The following NRXN1 variants were observed in gnomAD, a reference collection of about 807,000 sequenced individuals.
The protein encoded by NRXN1 is neurexin 1.
A neutral mutation model predicts 150.9 loss-of-function variants in NRXN1; 39 were observed. The ratio of observed to expected loss-of-function variants is 0.26; its 90% CI spans 0.20 to 0.34. The LOEUF is 0.34. NRXN1 is among the 10% of genes least tolerant of loss of function. The probability of loss-of-function intolerance (pLI) is 1.00; values close to 1 mark genes in which losing one functional copy is unlikely to be tolerated. For synonymous variants in NRXN1, 924 were observed against 757.0 expected, an observed-to-expected ratio of 1.22 and a Z score of -3.62; for missense variants, 1,815 against 1,949.9, an observed-to-expected ratio of 0.93 and a Z score of 1.30.
rs2079105158 is a variant in NRXN1 at position 50,360,383 on chromosome 2, A to G, written c.3364+105059T>C. 2.6e-5 allele frequency among the ~76,000 whole-genome samples: 4 copies of G among 152,242 alleles called. No homozygotes were observed. The South Asian group carries it at 8.3e-4, about 32-fold the overall frequency. ...AGACCCATCTCATATACACAGACACATATAGGCTCAAAATAAAATGATGGA... is the reference window on the plus strand; with the variant it reads ...AGACCCATCTCATATACACAGACACGTATAGGCTCAAAATAAAATGATGGA... On this transcript the variant is annotated intron_variant, in intron 17 of 22. Coordinates refer to ENST00000401669, the MANE Select transcript of NRXN1 (RefSeq NM_001330078.2).
intron 14 of NRXN1, among the ~76,000 whole-genome samples, chr2:50,496,642 T>C (rs1357816616): frequency 1.3e-5 from 2 of 152,176 alleles, no homozygotes; most frequent in Admixed American, 1.3e-4. Flanking sequence ...TCTGTTTATG[T>C]GTTCATCTAC....
chr2:50,811,557 G>T (rs940937847), intron 5 of NRXN1, among the ~76,000 whole-genome samples: 2 of 152,060 alleles, frequency 1.3e-5, no homozygotes, highest in Non-Finnish European at 1.5e-5. Flanking sequence ...TCTTCAGTTG[G>T]CACTCCAAAG....
Position 50,883,675 on chromosome 2 carries a change from C to T in NRXN1, c.832+38194G>A, listed in dbSNP as rs550033918. ...TATATTATGTGTAAAAACATATAAA[C>T]ATATTTTGTATTTACAAGTATGATT... On this transcript the variant is annotated intron_variant, in intron 5 of 22. Coordinates refer to ENST00000401669, the MANE Select transcript of NRXN1 (RefSeq NM_001330078.2). 2.6e-4 allele frequency among the ~76,000 whole-genome samples: 39 copies of T among 151,808 alleles called. No homozygotes were observed. In the South Asian group the frequency reaches 8.1e-3, roughly 31 times the overall value.
chr2:50,474,165 T>G (rs528608006), intron 15 of NRXN1, among the ~76,000 whole-genome samples: 1 of 152,104 alleles, frequency 6.6e-6, no homozygotes, highest in Admixed American at 6.6e-5. Flanking sequence ...TCTTCCATAT[T>G]TCCATTCTGT....
At chr2:50,268,803 T>C (rs548005701) in intron 17 of NRXN1, among the ~76,000 whole-genome samples, 5 of 152,350 alleles carry the variant, frequency 3.3e-5, no homozygotes, top group African/African-American at 1.2e-4. Context: ...AGATTCTTTA[T>C]CTAGGCCACA....
chr2:50,408,084 T>C (rs2082882583), intron 17 of NRXN1, among the ~76,000 whole-genome samples: 1 of 152,158 alleles, frequency 6.6e-6, no homozygotes, highest in Non-Finnish European at 1.5e-5. Flanking sequence ...AGTATCTATA[T>C]GCCCATCTTG....
intron 5 of NRXN1, among the ~76,000 whole-genome samples, chr2:50,862,577 C>A (rs2216252): frequency 0.032 from 4,926 of 152,134 alleles, 212 homozygotes; most frequent in East Asian, 0.23. Flanking sequence ...CAGGTCCAAT[C>A]CCATTGCAAC....
At chr2:50,262,451 T>G (rs2152913537) in intron 17 of NRXN1, among the ~76,000 whole-genome samples, 1 of 152,046 alleles carries the variant, frequency 6.6e-6, no homozygotes, top group Admixed American at 6.6e-5. Flanking sequence ...ATGTAATTAC[T>G]GAGGTCTTCT....
chr2:50,355,910 T>C (rs1251482458), intron 17 of NRXN1, among the ~76,000 whole-genome samples: 2 of 152,130 alleles, frequency 1.3e-5, no homozygotes, highest in Admixed American at 1.3e-4. Flanking sequence ...CCTTATAGGT[T>C]TATTGGTGAG....
Position 50,270,580 on chromosome 2 carries a change from G to T in NRXN1, c.3365-33610C>A, listed in dbSNP as rs142186529. Among the ~76,000 whole-genome samples the T allele has an allele frequency of 2.5e-3, 375 of 151,868 alleles. 1 individual carries two copies. Among genetic ancestry groups the T allele is most frequent in the African/African-American group, 7.9e-3 (328 of 41,430 alleles). Reference sequence around the variant, plus strand: ...TATCAGAATTTTGAATTCTAAAACAGATTTTTCCCATTATACACACAGTTT... The same window carrying T: ...TATCAGAATTTTGAATTCTAAAACATATTTTTCCCATTATACACACAGTTT... On this transcript the variant is annotated intron_variant, in intron 17 of 22. Coordinates refer to ENST00000401669, the MANE Select transcript of NRXN1 (RefSeq NM_001330078.2).
chr2:50,501,807 C>G (rs998174603), intron 13 of NRXN1, among the ~76,000 whole-genome samples: 2 of 152,136 alleles, frequency 1.3e-5, no homozygotes, highest in Non-Finnish European at 2.9e-5. Flanking sequence ...ACTATCCTCA[C>G]GATCCTAGGT....
intron 15 of NRXN1, among the ~76,000 whole-genome samples, chr2:50,484,160 G>A (rs2090697975): frequency 6.6e-6 from 1 of 152,208 alleles, no homozygotes; most frequent in African/African-American, 2.4e-5. Context: ...GTAGTATAAA[G>A]CACACACAAA....
At chr2:50,207,332 G>A (rs537121847) in intron 18 of NRXN1, among the ~76,000 whole-genome samples, 100 of 152,152 alleles carry the variant, frequency 6.6e-4, no homozygotes, top group African/African-American at 2.3e-3. Flanking sequence ...GTCACAAGAT[G>A]AATTTTTTAA....
intron 18 of NRXN1, among the ~76,000 whole-genome samples, chr2:50,119,579 A>C (rs1703571428): frequency 2.7e-5 from 4 of 150,418 alleles, no homozygotes; most frequent in East Asian, 3.9e-4. Context: ...AAAAAAAAAA[A>C]CTATCATTTG....
intron 5 of NRXN1, among the ~76,000 whole-genome samples, chr2:50,879,037 T>C (rs1679035968): frequency 6.6e-6 from 1 of 152,054 alleles, no homozygotes; most frequent in Admixed American, 6.6e-5. Flanking sequence ...CTAGATGTTG[T>C]AAAGGTACCC....
In NRXN1 at chr2:50,395,124, C is replaced by A. The variant is rs541722591; in HGVS notation, c.3364+70318G>T. Among the ~76,000 whole-genome samples the A allele has an allele frequency of 5.3e-5, 8 of 151,466 alleles. No homozygotes were observed. The South Asian group carries it at 1.5e-3, about 28-fold the overall frequency. The stretch of plus-strand genomic sequence containing the variant: ...ACTCACATCATATTATTTCTTTTTT[C>A]TTTGTTATTGATATTCTCCAATAGA... On this transcript the variant is annotated intron_variant, in intron 17 of 22. Coordinates refer to ENST00000401669, the MANE Select transcript of NRXN1 (RefSeq NM_001330078.2).
intron 5 of NRXN1, chr2:50,898,465 A>G (rs1682365490): frequency 3.5e-6 from 1 of 283,906 alleles, no homozygotes; most frequent in South Asian, 3.1e-5. Flanking sequence ...AAAGAGTTTT[A>G]TTTTCAAAGT....
At chr2:50,339,293 C>A (rs775922676) in intron 17 of NRXN1, among the ~76,000 whole-genome samples, 9 of 151,972 alleles carry the variant, frequency 5.9e-5, no homozygotes, top group African/African-American at 9.7e-5. Flanking sequence ...ATTTGACAAA[C>A]AAGTCACCAA....
Position 50,138,826 on chromosome 2 carries a change from T to C in NRXN1, c.3547-47332A>G, listed in dbSNP as rs1028118813. ...AACAACCTCCTGAAGTTAGGACCAA[T>C]GGTCCCTTTAGTTTGTCATAAAACC... On this transcript the variant is annotated intron_variant, in intron 18 of 22. Transcript: ENST00000401669. 2.0e-5 allele frequency among the ~76,000 whole-genome samples: 3 copies of C among 152,348 alleles called. No individual in the cohort carries two copies. In the South Asian group the frequency reaches 6.2e-4, roughly 32 times the overall value.
Sources: allele counts gnomAD v4.1 joint callset (sites outside exome capture counted in the v4.1 genomes callset), GRCh38; gene constraint gnomAD v4.1.1; transcripts MANE v1.5; gene names NCBI Gene and HGNC (gene_info 2026-07-23, HGNC 2026-07-21).